P2RY8: variants seen among roughly 807,000 people sequenced by gnomAD.
P2RY8 encodes S-geranylgeranyl-glutathione receptor P2RY8.
Under a neutral mutation model 10.0 loss-of-function variants are expected in P2RY8, and 6 were observed. The ratio of observed to expected loss-of-function variants is 0.60; its 90% CI spans 0.33 to 1.19. The LOEUF (loss-of-function observed/expected upper bound fraction) is 1.19. Ranked by LOEUF, P2RY8 falls within the 50% of genes most tolerant of loss-of-function variation. The pLI is 0.04. For missense variants in P2RY8, 456 were observed against 542.0 expected (o/e 0.84, Z 1.58); for synonymous variants, 276 against 252.5 (o/e 1.09, Z -0.88).
intron 1 of P2RY8, among the ~76,000 whole-genome samples, chrX:1,509,165 A>ATCTATCTATCTATCATCCAT (rs1196202340): frequency 3.7e-5 from 2 of 54,714 alleles, no homozygotes; most frequent in Non-Finnish European, 8.0e-5. Flanking sequence ...CATCCATTCT[A>ATCTATCTATCTATCATCCAT]TCTATCTATC....
At chrX:1,467,228 A>G (rs1224356742) in intron 1 of P2RY8, among the ~76,000 whole-genome samples, 1 of 152,186 alleles carries the variant, frequency 6.6e-6, no homozygotes, top group Non-Finnish European at 1.5e-5. Context: ...CGCAGCCTCC[A>G]AAGTCTTTCC....
chrX:1,501,868 C>A lies in P2RY8; in HGVS notation c.-25+35053G>T, dbSNP rs181580572. Among the ~76,000 whole-genome samples the A allele has an allele frequency of 5.9e-5, 9 of 152,254 alleles. No individual in the cohort carries two copies. In the East Asian group the frequency reaches 1.7e-3, roughly 29 times the overall value. ...TCGGCCTCCCAAAGTGCTGGGATTACAGGCATGAGCCACCACGCCCGGCGA... is the reference window on the plus strand; with the variant it reads ...TCGGCCTCCCAAAGTGCTGGGATTAAAGGCATGAGCCACCACGCCCGGCGA... On this transcript the variant is annotated intron_variant, in intron 1 of 1. Transcript: ENST00000381297.
intron 1 of P2RY8, among the ~76,000 whole-genome samples, chrX:1,478,129 A>G (rs1284513797): frequency 1.3e-5 from 2 of 152,076 alleles, no homozygotes; most frequent in African/African-American, 4.8e-5. Flanking sequence ...AAGCAATAAC[A>G]AAGAGAAGTT....
At chrX:1,510,979 C>T (rs1391847806) in intron 1 of P2RY8, among the ~76,000 whole-genome samples, 2 of 152,006 alleles carry the variant, frequency 1.3e-5, no homozygotes, top group Non-Finnish European at 2.9e-5. Context: ...GAGATTGAGA[C>T]CATCCTGGCT....
At chrX:1,508,563 ATC>A (rs1431973542) in intron 1 of P2RY8, among the ~76,000 whole-genome samples, 2 of 151,988 alleles carry the variant, frequency 1.3e-5, no homozygotes, top group Non-Finnish European at 2.9e-5. Flanking sequence ...CCATCTATTT[ATC>A]TCTCTATCTA....
At chrX:1,487,156 C>G (rs1191137873) in intron 1 of P2RY8, among the ~76,000 whole-genome samples, 1 of 152,178 alleles carries the variant, frequency 6.6e-6, no homozygotes, top group Non-Finnish European at 1.5e-5. Context: ...CTGTGTGAAC[C>G]AGTGACCTCA....
chrX:1,507,586 A>T (rs1175954213), intron 1 of P2RY8, among the ~76,000 whole-genome samples: 1 of 152,096 alleles, frequency 6.6e-6, no homozygotes, highest in African/African-American at 2.4e-5. Context: ...GTGGATTGCT[A>T]AACTGAGGCT....
At chrX:1,500,290 T>C (rs2092165089) in intron 1 of P2RY8, among the ~76,000 whole-genome samples, 1 of 151,792 alleles carries the variant, frequency 6.6e-6, no homozygotes, top group Admixed American at 6.6e-5. Context: ...TTTATGTACT[T>C]ATTTTGAGGT....
chrX:1,519,043 G>C (rs1317312387), intron 1 of P2RY8, among the ~76,000 whole-genome samples: 9 of 148,340 alleles, frequency 6.1e-5, no homozygotes, highest in Admixed American at 2.0e-4. Flanking sequence ...CTGGTCCCCA[G>C]TAATATTTCT....
chrX:1,477,244 T>C (rs1460519912), intron 1 of P2RY8, among the ~76,000 whole-genome samples: 1 of 151,894 alleles, frequency 6.6e-6, no homozygotes, highest in Non-Finnish European at 1.5e-5. Flanking sequence ...TATCCATGAA[T>C]CCATTTGTTG....
chrX:1,481,023 C>T (rs1315786875), intron 1 of P2RY8, among the ~76,000 whole-genome samples: 4 of 152,094 alleles, frequency 2.6e-5, no homozygotes, highest in South Asian at 2.1e-4. Context: ...AAATTAATAC[C>T]GCCGAGACAT....
At chrX:1,533,879 T>C (rs2092502316) in intron 1 of P2RY8, among the ~76,000 whole-genome samples, 1 of 122,644 alleles carries the variant, frequency 8.2e-6, no homozygotes, top group Admixed American at 9.2e-5. Flanking sequence ...ATTTATTATT[T>C]ATATATTATA....
chrX:1,509,099 G>GTATCTATC (rs760585041), intron 1 of P2RY8, among the ~76,000 whole-genome samples: 10,739 of 137,884 alleles, frequency 0.078, 403 homozygotes, highest in East Asian at 0.15. Context: ...ATGTATCTAT[G>GTATCTATC]TATCTATCTA....
chrX:1,504,356 C>A (rs2092210615), intron 1 of P2RY8, among the ~76,000 whole-genome samples: 1 of 151,684 alleles, frequency 6.6e-6, no homozygotes, highest in Admixed American at 6.6e-5. Flanking sequence ...TGCTTCTTTG[C>A]CCCCCTTGAA....
chrX:1,486,346 G>A (rs1280989797), intron 1 of P2RY8, among the ~76,000 whole-genome samples: 2 of 152,102 alleles, frequency 1.3e-5, no homozygotes, highest in Admixed American at 6.6e-5. Flanking sequence ...TAAACACAAC[G>A]TGGCCCCCCC....
intron 1 of P2RY8, among the ~76,000 whole-genome samples, chrX:1,496,363 G>T (rs1265986875): frequency 4.6e-5 from 7 of 152,176 alleles, no homozygotes; most frequent in Non-Finnish European, 8.8e-5. Context: ...ATTGTTCAGT[G>T]GCTGCCTGCC....
chrX:1,500,885 C>T (rs2092172240), intron 1 of P2RY8, among the ~76,000 whole-genome samples: 1 of 152,130 alleles, frequency 6.6e-6, no homozygotes, highest in Non-Finnish European at 1.5e-5. Context: ...CCAGCAGCAC[C>T]CAGGCTCCGA....
At chrX:1,476,232 G>C (rs1388839275) in intron 1 of P2RY8, among the ~76,000 whole-genome samples, 36 of 152,090 alleles carry the variant, frequency 2.4e-4, no homozygotes, top group Non-Finnish European at 4.3e-4. Flanking sequence ...CAGGGTCACT[G>C]TTAGTGCACC....
At chrX:1,477,834 C>T (rs182599411) in intron 1 of P2RY8, among the ~76,000 whole-genome samples, 39 of 152,292 alleles carry the variant, frequency 2.6e-4, no homozygotes, top group Admixed American at 1.9e-3. Context: ...CAAAGAATGT[C>T]TGCAAGAGGC....
Sources: allele counts gnomAD v4.1 joint callset (sites outside exome capture counted in the v4.1 genomes callset), GRCh38; gene constraint gnomAD v4.1.1; transcripts MANE v1.5; gene names NCBI Gene and HGNC (gene_info 2026-07-23, HGNC 2026-07-21).